Variants in SEM1 observed in about 807,000 individuals in gnomAD.
SEM1 encodes the protein SEM1 26S proteasome subunit, also known as 26S proteasome complex subunit SEM1.
A neutral mutation model predicts 12.7 loss-of-function variants in SEM1; 3 were observed. The observed-to-expected ratio is 0.24, with a 90% confidence interval of 0.11 to 0.61. SEM1 has a LOEUF of 0.61. Ranked by LOEUF, SEM1 falls within the 20% of genes least tolerant of loss-of-function variation. The probability of loss-of-function intolerance (pLI) is 0.88; values close to 1 mark genes in which losing one functional copy is unlikely to be tolerated. For synonymous variants in SEM1, 30 were observed against 27.8 expected (o/e 1.08, Z -0.25); for missense variants, 59 against 81.3 (o/e 0.73, Z 1.06).
At chr7:96,542,077 T>C (rs539121307) in intron 2 of SEM1, among the ~76,000 whole-genome samples, 141 of 151,522 alleles carry the variant, frequency 9.3e-4, no homozygotes, top group African/African-American at 3.4e-3. Flanking sequence ...CCATTTGGGC[T>C]CTTTTTTTGG....
At chr7:96,699,093 A>T (rs939278883) in intron 1 of SEM1, among the ~76,000 whole-genome samples, 22 of 152,216 alleles carry the variant, frequency 1.4e-4, no homozygotes, top group African/African-American at 4.6e-4. Flanking sequence ...CTACCCTTCA[A>T]ATTACTGAGT....
At chr7:96,485,315 C>A (rs562210576) in intron 2 of SEM1, among the ~76,000 whole-genome samples, 16 of 152,140 alleles carry the variant, frequency 1.1e-4, no homozygotes, top group African/African-American at 3.9e-4. Context: ...AGGTCAGAAG[C>A]CTAAAACATG....
intron 2 of SEM1, among the ~76,000 whole-genome samples, chr7:96,643,523 C>G (rs1377536659): frequency 1.3e-5 from 2 of 151,930 alleles, no homozygotes; most frequent in Non-Finnish European, 2.9e-5. Context: ...TACTGCGGCA[C>G]TATTCACAAT....
At position 96,530,993 on chromosome 7, in the gene SEM1, TC is replaced by T. The variant is rs1269852576; in HGVS notation, c.171-24296del. Among the ~76,000 whole-genome samples, 15 of 151,982 alleles carry T rather than the reference TC, an allele frequency of 9.9e-5. 2 individuals are homozygous for T. Among genetic ancestry groups the T allele is most frequent in the East Asian group, 5.8e-4 (3 of 5,132 alleles). On this transcript the variant is annotated intron_variant and NMD_transcript_variant, in intron 2 of 3. Transcript: ENST00000466986. ...TAGTCAGGCGCCATGCCCAAAACAA[TC>T]AAAACTGTTGCAATAATCTGGGTCT... is the stretch of plus-strand genomic sequence containing the variant.
At chr7:96,504,148 C>A (rs906049448) in intron 3 of SEM1, among the ~76,000 whole-genome samples, 1 of 152,142 alleles carries the variant, frequency 6.6e-6, no homozygotes, top group Non-Finnish European at 1.5e-5. Flanking sequence ...AATTTGAAGA[C>A]TTTCTGAAGT....
intron 2 of SEM1, among the ~76,000 whole-genome samples, chr7:96,580,406 G>T (rs200268639): frequency 3.5e-4 from 52 of 150,532 alleles, no homozygotes; most frequent in East Asian, 1.8e-3. Context: ...TCTTTGCTAT[G>T]GTGAATAATG....
chr7:96,493,348 A>C (rs1803104675), intron 1 of SEM1, among the ~76,000 whole-genome samples: 1 of 151,878 alleles, frequency 6.6e-6, no homozygotes, highest in Non-Finnish European at 1.5e-5. Flanking sequence ...TTCCTATCCA[A>C]GTTACCAACT....
chr7:96,709,682 G>C lies in SEM1; in HGVS notation c.76+6C>G. ...CGCGACACAGAAACCGGGGCCCAGC[G>C]GTTACCTTCGGCAGGGAACTCTTCA... On this transcript the variant is annotated splice_donor_region_variant and intron_variant, in intron 1 of 2. Transcript: ENST00000248566. 1.2e-6 allele frequency: 2 copies of C among 1,613,042 alleles called. No homozygotes were observed. The highest frequency in any genetic ancestry group is 1.7e-6 in the Non-Finnish European group (2 of 1,179,384).
At chr7:96,500,870 G>C (rs1803510029), upstream of SEM1, among the ~76,000 whole-genome samples, 2 of 152,094 alleles carry the variant, frequency 1.3e-5, no homozygotes, top group Non-Finnish European at 2.9e-5. Context: ...TTTGGCTGTG[G>C]TCCTGAAAAC....
intron 1 of SEM1, chr7:96,695,130 A>G (rs1167477450): frequency 3.1e-6 from 1 of 320,266 alleles, no homozygotes; most frequent in East Asian, 5.0e-5. Context: ...AGAAACTTAC[A>G]ATTTCAGGAG....
chr7:96,564,775 G>A (rs1441248397), intron 2 of SEM1, among the ~76,000 whole-genome samples: 1 of 151,904 alleles, frequency 6.6e-6, no homozygotes. Context: ...GCTATTGAGA[G>A]TTTTTAAAGT....
downstream of SEM1, among the ~76,000 whole-genome samples, chr7:96,686,933 A>C (rs1030764249): frequency 1.3e-5 from 2 of 152,184 alleles, no homozygotes; most frequent in African/African-American, 4.8e-5. Context: ...AACTCAAACA[A>C]ATTTACAAGA....
At chr7:96,507,559 C>T (rs1424238756) in intron 2 of SEM1, among the ~76,000 whole-genome samples, 1 of 152,072 alleles carries the variant, frequency 6.6e-6, no homozygotes, top group African/African-American at 2.4e-5. Context: ...CCTTTCAGCC[C>T]AGTGCTGGAC....
At chr7:96,620,323 G>A (rs112894181), downstream of SEM1, among the ~76,000 whole-genome samples, 5 of 152,256 alleles carry the variant, frequency 3.3e-5, no homozygotes, top group African/African-American at 7.2e-5. Context: ...GGGGGTGCAC[G>A]GGAGTACCCA....
intron 2 of SEM1, among the ~76,000 whole-genome samples, chr7:96,541,242 G>A (rs920011884): frequency 9.9e-5 from 15 of 151,592 alleles, no homozygotes; most frequent in South Asian, 4.1e-4. Flanking sequence ...CTTCAGCCTC[G>A]CCAGCATCTG....
intron 2 of SEM1, chr7:96,650,370 T>C (rs1385117871): frequency 3.7e-5 from 22 of 590,862 alleles, no homozygotes; most frequent in Admixed American, 2.2e-4. Context: ...ATTTCATCTC[T>C]GAAAGGGAAC....
At chr7:96,675,031 C>T (rs529322460) in intron 2 of SEM1, among the ~76,000 whole-genome samples, 5 of 152,276 alleles carry the variant, frequency 3.3e-5, no homozygotes, top group Non-Finnish European at 5.9e-5. Flanking sequence ...CAGGCAGCAT[C>T]GTTGATTGTC....
At chr7:96,698,964 G>T (rs924891575) in intron 1 of SEM1, among the ~76,000 whole-genome samples, 6 of 152,014 alleles carry the variant, frequency 3.9e-5, no homozygotes, top group Admixed American at 2.6e-4. Flanking sequence ...TTCGCTTCCT[G>T]AACCTGGTAG....
intron 2 of SEM1, among the ~76,000 whole-genome samples, chr7:96,515,632 T>C (rs1804068092): frequency 6.6e-6 from 1 of 152,102 alleles, no homozygotes; most frequent in Admixed American, 6.6e-5. Flanking sequence ...AACCTAAATG[T>C]CCATCAATGA....
Sources: allele counts gnomAD v4.1 joint callset (sites outside exome capture counted in the v4.1 genomes callset), GRCh38; gene constraint gnomAD v4.1.1; transcripts MANE v1.5; gene names NCBI Gene and HGNC (gene_info 2026-07-23, HGNC 2026-07-21).